The following OTOF variants were observed in gnomAD, a reference collection of about 807,000 sequenced individuals.
OTOF encodes the protein fer-1-like family member 2.
A neutral mutation model predicts 236.8 loss-of-function variants in OTOF; 218 were observed. The ratio of observed to expected loss-of-function variants is 0.92; its 90% CI spans 0.82 to 1.03. The LOEUF (loss-of-function observed/expected upper bound fraction) is 1.03. Ranked by LOEUF, OTOF falls within the 50% of genes least tolerant of loss-of-function variation. The pLI is 0.00. For synonymous variants in OTOF, 1,041 were observed against 1,072.5 expected (o/e 0.97, Z 0.57); for missense variants, 2,590 against 2,694.4 (o/e 0.96, Z 0.86).
At chr2:26,556,867 A>G (rs1667598112) in intron 1 of OTOF, among the ~76,000 whole-genome samples, 2 of 152,184 alleles carry the variant, frequency 1.3e-5, no homozygotes, top group Admixed American at 6.5e-5. Flanking sequence ...ACCGCCCCAC[A>G]CTATGCTGCC....
At chr2:26,510,871 A>T in intron 5 of OTOF, 1 of 453,160 alleles carries the variant, frequency 2.2e-6, no homozygotes, top group South Asian at 1.9e-5. Context: ...CTTGTCCCAC[A>T]GACCTCTCAC....
rs1236202965 is a variant in OTOF at position 26,477,154 on chromosome 2, C to T, written c.2523+18G>A. 26 of 1,604,714 alleles carry T rather than the reference C, an allele frequency of 1.6e-5. No individual in the cohort carries two copies. Among genetic ancestry groups the T allele is most frequent in the East Asian group, 1.6e-4 (7 of 44,810 alleles). On this transcript the variant is annotated intron_variant, in intron 21 of 46. Transcript: ENST00000272371. The surrounding 1 kb of genome is among the most constrained non-coding windows in gnomAD (Gnocchi z 4.7). ...GCCAGCCCTGGATGAGGCAAAGCCCCGACCCCTTGGGCCGCACCTCGTCCG... is the reference window on the plus strand; with the variant it reads ...GCCAGCCCTGGATGAGGCAAAGCCCTGACCCCTTGGGCCGCACCTCGTCCG...
At chr2:26,467,606 G>A (rs1344276374) in intron 33 of OTOF, 105 bp from the exon 34 acceptor site, 16 of 1,313,630 alleles carry the variant, frequency 1.2e-5, no homozygotes, top group East Asian at 7.5e-5. Flanking sequence ...CTTAACTCTC[G>A]GATGTCCATG....
chr2:26,466,902 C>A (rs1393036712), intron 35 of OTOF, 51 bp from the exon 36 acceptor site: 1 of 1,612,890 alleles, frequency 6.2e-7, no homozygotes, highest in Non-Finnish European at 8.5e-7. Flanking sequence ...GCAAGGGTGG[C>A]ATTCAAAATA....
chr2:26,512,714 C>T (rs1029930337), intron 5 of OTOF, among the ~76,000 whole-genome samples: 1 of 152,144 alleles, frequency 6.6e-6, no homozygotes, highest in African/African-American at 2.4e-5. Context: ...TGAGAAGGTG[C>T]TTGGACAGCA....
intron 11 of OTOF, 111 bp from the exon 12 acceptor site, chr2:26,484,744 G>T: frequency 9.1e-7 from 1 of 1,097,072 alleles, no homozygotes; most frequent in Non-Finnish European, 1.3e-6. Context: ...GGTCCCTAGA[G>T]TCCCGGGACC....
At chr2:26,502,979 G>A (rs1046759818) in intron 6 of OTOF, among the ~76,000 whole-genome samples, 9 of 152,194 alleles carry the variant, frequency 5.9e-5, no homozygotes, top group African/African-American at 1.4e-4. Flanking sequence ...TGTGGATTCC[G>A]AACAGCCACC....
chr2:26,522,989 G>A (rs1666713908), intron 3 of OTOF, among the ~76,000 whole-genome samples: 1 of 152,248 alleles, frequency 6.6e-6, no homozygotes, highest in Non-Finnish European at 1.5e-5. Context: ...AAGGCCTCCA[G>A]CCCAGATGGG....
In OTOF at chr2:26,477,518, G is replaced by A; in HGVS notation, c.2316-12C>T. 1.3e-6 allele frequency: 2 copies of A among 1,599,192 alleles called. No homozygotes were observed. Among genetic ancestry groups the A allele is most frequent in the Non-Finnish European group, 1.7e-6 (2 of 1,173,336 alleles). ...GGGAGAGGAAGCGGCTGGGGGTAGGGCGAGCCGGGGTTTAGCGAGCCTGAC... is the reference window on the plus strand; with the variant it reads ...GGGAGAGGAAGCGGCTGGGGGTAGGACGAGCCGGGGTTTAGCGAGCCTGAC... On this transcript the variant is annotated splice_polypyrimidine_tract_variant and intron_variant, in intron 19 of 46. Transcript: ENST00000272371. The surrounding 1 kb of genome is among the most constrained non-coding windows in gnomAD (Gnocchi z 4.7).
At chr2:26,479,922 G>T (rs1665484238) in intron 16 of OTOF, among the ~76,000 whole-genome samples, 1 of 152,380 alleles carries the variant, frequency 6.6e-6, no homozygotes, top group East Asian at 1.9e-4. Context: ...GCCCCGGGAA[G>T]GGCTTCTCCC....
Position 26,458,034 on chromosome 2 carries a change from C to T in OTOF, c.*204G>A, listed in dbSNP as rs775320200. The T allele has an allele frequency of 1.3e-5, 21 of 1,609,248 alleles. No individual in the cohort carries two copies. The highest frequency in any genetic ancestry group is 1.7e-4 in the Middle Eastern group (1 of 6,040). On this transcript the variant is annotated 3_prime_UTR_variant, in exon 47 of 47. Transcript: ENST00000272371. Reference sequence around the variant, plus strand: ...CTGGGGAGCGGCTGGCGGGAGCTGGCGGCCTTCATGCCCCAAGGAGCTTTT... The same window carrying T: ...CTGGGGAGCGGCTGGCGGGAGCTGGTGGCCTTCATGCCCCAAGGAGCTTTT...
chr2:26,515,785 A>G (rs1009496232), intron 5 of OTOF, among the ~76,000 whole-genome samples: 3 of 152,190 alleles, frequency 2.0e-5, no homozygotes, highest in African/African-American at 7.2e-5. Flanking sequence ...CTTGGTCTCT[A>G]ATAGTAATAC....
chr2:26,547,148 C>T lies in OTOF; in HGVS notation c.80-9374G>A, dbSNP rs567784257. ...GATTTTTATCAGATTGAGGAAGCTC[C>T]TTTTATTGGTAGTTTGCTGATAGTT... On this transcript the variant is annotated intron_variant, in intron 1 of 46. Coordinates refer to ENST00000272371, the MANE Select transcript of OTOF (RefSeq NM_194248.3). 8.5e-5 allele frequency among the ~76,000 whole-genome samples: 13 copies of T among 152,184 alleles called. No individual in the cohort carries two copies. The East Asian group carries it at 2.5e-3, about 29-fold the overall frequency.
chr2:26,541,924 G>A (rs1667220750), intron 1 of OTOF, among the ~76,000 whole-genome samples: 1 of 152,194 alleles, frequency 6.6e-6, no homozygotes, highest in Non-Finnish European at 1.5e-5. Context: ...GCTGCTCCTG[G>A]GATAGCTGAG....
At chr2:26,469,096 T>C (rs192752752) in intron 32 of OTOF, among the ~76,000 whole-genome samples, 10 of 152,368 alleles carry the variant, frequency 6.6e-5, no homozygotes, top group African/African-American at 2.4e-4. Context: ...ATTTACATTT[T>C]CTACTTAAAA....
intron 8 of OTOF, among the ~76,000 whole-genome samples, chr2:26,499,820 TG>T (rs1221822911): frequency 6.6e-6 from 1 of 152,204 alleles, no homozygotes; most frequent in African/African-American, 2.4e-5. Flanking sequence ...ATACACTGTA[TG>T]TATTGGAAGT....
At chr2:26,459,973 C>T in intron 46 of OTOF, 35 bp downstream of exon 46, 2 of 1,549,046 alleles carry the variant, frequency 1.3e-6, no homozygotes, top group Non-Finnish European at 1.7e-6. Flanking sequence ...CCTGCCTAGC[C>T]CTTGGTCCAG....
intron 40 of OTOF, 145 bp downstream of exon 40, chr2:26,463,819 G>C (rs1445919598): frequency 3.6e-6 from 4 of 1,124,882 alleles, no homozygotes; most frequent in Middle Eastern, 2.0e-4. Flanking sequence ...AAGTTACCCT[G>C]AGGGGCCTTG....
chr2:26,461,523 A>G lies in OTOF; in HGVS notation c.5533+173T>C, dbSNP rs1308844887. 1.3e-5 allele frequency among the ~76,000 whole-genome samples: 2 copies of G among 151,210 alleles called. No homozygotes were observed. Among genetic ancestry groups the G allele is most frequent in the African/African-American group, 4.9e-5 (2 of 41,028 alleles). ...TGACACTGAGAACATCTGCCTAGGG[A>G]CGGTTAGGTGGGTCCTTGGGGGCGG... On this transcript the variant is annotated intron_variant, in intron 43 of 46. Coordinates refer to ENST00000272371, the MANE Select transcript of OTOF (RefSeq NM_194248.3). The surrounding 1 kb of genome is among the most constrained non-coding windows in gnomAD (Gnocchi z 6.2).
Sources: allele counts gnomAD v4.1 joint callset (sites outside exome capture counted in the v4.1 genomes callset), GRCh38; gene constraint gnomAD v4.1.1; non-coding constraint Gnocchi (gnomAD v3.1); transcripts MANE v1.5; gene names NCBI Gene and HGNC (gene_info 2026-07-23, HGNC 2026-07-21).